CEP112: variants seen among roughly 807,000 people sequenced by gnomAD.
CEP112 encodes centrosomal protein 112.
A neutral mutation model predicts 153.0 loss-of-function variants in CEP112; 127 were observed. The observed-to-expected ratio is 0.83, with a 90% CI of 0.72 to 0.96. The LOEUF (loss-of-function observed/expected upper bound fraction) is 0.96. Among genes scored for constraint, CEP112 ranks in the 40% least tolerant of loss-of-function variants. The probability of loss-of-function intolerance (pLI) is 0.00; values close to 1 mark genes in which losing one functional copy is unlikely to be tolerated. For missense variants in CEP112, 1,089 were observed against 1,101.2 expected (o/e 0.99, Z 0.16); for synonymous variants, 358 against 374.4 (o/e 0.96, Z 0.51).
chr17:66,167,881 G>A (rs1179945616), intron 4 of CEP112, among the ~76,000 whole-genome samples: 3 of 152,286 alleles, frequency 2.0e-5, no homozygotes, highest in African/African-American at 7.2e-5. Context: ...TTCTAGAACA[G>A]TACCTAGCAT....
intron 24 of CEP112, among the ~76,000 whole-genome samples, chr17:65,643,806 T>C (rs1197282328): frequency 6.6e-6 from 1 of 152,236 alleles, no homozygotes; most frequent in Non-Finnish European, 1.5e-5. Flanking sequence ...CTTCTCCAGA[T>C]TGTCATTGAC....
rs187858575 is a variant in CEP112 at position 65,932,826 on chromosome 17, G to A, written c.1873-5137C>T. Among the ~76,000 whole-genome samples, 261 of 151,922 alleles carry A rather than the reference G, an allele frequency of 1.7e-3. 1 individual carries two copies. The highest frequency in any genetic ancestry group is 5.9e-3 in the African/African-American group (246 of 41,406). ...CGCCCCCATGATTCAATCACCTCCCGCCAGGCCCAGACTCCAAAACTGGGA... is the reference window on the plus strand; with the variant it reads ...CGCCCCCATGATTCAATCACCTCCCACCAGGCCCAGACTCCAAAACTGGGA... On this transcript the variant is annotated intron_variant, in intron 18 of 26. Coordinates refer to ENST00000535342, the MANE Select transcript of CEP112 (RefSeq NM_001199165.4).
intron 18 of CEP112, among the ~76,000 whole-genome samples, chr17:65,939,782 A>T (rs2061453487): frequency 6.6e-6 from 1 of 152,220 alleles, no homozygotes; most frequent in African/African-American, 2.4e-5. Flanking sequence ...TGAAGCTCTA[A>T]AACTAGTAGA....
chr17:65,947,693 T>G (rs2061691936), intron 18 of CEP112, among the ~76,000 whole-genome samples: 1 of 152,168 alleles, frequency 6.6e-6, no homozygotes, highest in Admixed American at 6.5e-5. Flanking sequence ...TACATATTCT[T>G]TGGAAGCTGT....
intron 4 of CEP112, among the ~76,000 whole-genome samples, chr17:66,133,460 T>C (rs979263576): frequency 1.3e-5 from 2 of 152,214 alleles, no homozygotes; most frequent in Non-Finnish European, 2.9e-5. Flanking sequence ...AAATCTTCTA[T>C]TTAAAAACAC....
rs554332362 is a variant in CEP112 at position 65,783,741 on chromosome 17, T to C, written c.2395-33017A>G. Reference sequence around the variant, plus strand: ...AAACATGTCTTATTTCCCCGTTCAGTTGACAAAAATAAGGTGTCCAGTTGG... The same window carrying C: ...AAACATGTCTTATTTCCCCGTTCAGCTGACAAAAATAAGGTGTCCAGTTGG... On this transcript the variant is annotated intron_variant, in intron 21 of 26. Coordinates refer to ENST00000535342, the MANE Select transcript of CEP112 (RefSeq NM_001199165.4). 2.6e-5 allele frequency among the ~76,000 whole-genome samples: 4 copies of C among 152,350 alleles called. No homozygotes were observed. The South Asian group carries it at 8.3e-4, about 32-fold the overall frequency.
At chr17:66,127,719 C>A (rs185394978) in intron 6 of CEP112, among the ~76,000 whole-genome samples, 1 of 152,130 alleles carries the variant, frequency 6.6e-6, no homozygotes, top group Non-Finnish European at 1.5e-5. Flanking sequence ...CCAACATATA[C>A]CTCCAGCTCT....
At position 66,141,642 on chromosome 17, in the gene CEP112, T is replaced by C. The variant is rs146013991; in HGVS notation, c.471-8879A>G. ...GGGTTTGACTACTATATAGTATTTA[T>C]CCTATTGTGATTGGCTATTTAACTC... On this transcript the variant is annotated intron_variant, in intron 4 of 26. Transcript: ENST00000535342. 4.6e-3 allele frequency among the ~76,000 whole-genome samples: 707 copies of C among 152,296 alleles called. 6 individuals carry two copies. The highest frequency in any genetic ancestry group is 0.016 in the African/African-American group (665 of 41,580).
chr17:65,947,261 T>G (rs550867340), intron 18 of CEP112, among the ~76,000 whole-genome samples: 3 of 152,222 alleles, frequency 2.0e-5, no homozygotes, highest in Non-Finnish European at 2.9e-5. Flanking sequence ...TCATACACCT[T>G]TATGCATTGG....
intron 12 of CEP112, among the ~76,000 whole-genome samples, chr17:66,034,884 C>A (rs944642956): frequency 6.7e-6 from 1 of 149,710 alleles, no homozygotes; most frequent in Non-Finnish European, 1.5e-5. Context: ...CTCGACTCAC[C>A]GCAACCCCTG....
chr17:65,889,717 A>ATAC (rs1274897285), intron 20 of CEP112, among the ~76,000 whole-genome samples: 40 of 152,018 alleles, frequency 2.6e-4, no homozygotes, highest in Admixed American at 2.6e-3. Context: ...AGTCAGTCCT[A>ATAC]TACTTCTGCT....
intron 21 of CEP112, among the ~76,000 whole-genome samples, chr17:65,792,584 T>TAA (rs11409296): frequency 0.017 from 2,605 of 149,440 alleles, 79 homozygotes; most frequent in African/African-American, 0.059. Context: ...AAAAACTCTT[T>TAA]AAAAAAAAAA....
intron 12 of CEP112, among the ~76,000 whole-genome samples, chr17:66,032,740 A>G (rs761578602): frequency 8.5e-5 from 13 of 152,208 alleles, no homozygotes. Flanking sequence ...AATCAGAGGA[A>G]AAATAGAAAT....
intron 21 of CEP112, among the ~76,000 whole-genome samples, chr17:65,795,683 G>A (rs1302723652): frequency 1.3e-5 from 2 of 151,886 alleles, no homozygotes; most frequent in South Asian, 2.1e-4. Context: ...ATGGTGGTGC[G>A]CACCTGTAAT....
intron 4 of CEP112, among the ~76,000 whole-genome samples, chr17:66,162,501 C>T (rs1351816429): frequency 1.3e-5 from 2 of 152,142 alleles, no homozygotes; most frequent in Admixed American, 6.5e-5. Context: ...AGAGTATTCA[C>T]AGTAGAATCA....
intron 4 of CEP112, among the ~76,000 whole-genome samples, chr17:66,133,846 T>C (rs925131959): frequency 2.6e-5 from 4 of 152,186 alleles, no homozygotes; most frequent in African/African-American, 9.6e-5. Flanking sequence ...CAAATGTATT[T>C]TGTAATTAAA....
At chr17:65,938,143 T>C (rs1462208121) in intron 18 of CEP112, among the ~76,000 whole-genome samples, 1 of 127,616 alleles carries the variant, frequency 7.8e-6, no homozygotes, top group Non-Finnish European at 1.7e-5. Flanking sequence ...CTCTGAAACA[T>C]GTGCTGTGTC....
chr17:66,129,899 A>G lies in CEP112; in HGVS notation c.565-76T>C, dbSNP rs540570767. 3 of 924,296 alleles carry G rather than the reference A, an allele frequency of 3.2e-6. No individual in the cohort carries two copies. In the South Asian group the frequency reaches 4.6e-5, roughly 14 times the overall value. The allele number at this position is 924,296 out of a possible 1,614,324, so 57.3% of individuals were successfully genotyped here. On this transcript the variant is annotated intron_variant, in intron 5 of 26. Coordinates refer to ENST00000535342, the MANE Select transcript of CEP112 (RefSeq NM_001199165.4). ...AATAAAAGGAAAAGATGGAAGAGAT[A>G]AAAGAGGAAAAGATAGAAGAGATAA...
rs533862547 is a variant in CEP112 at position 65,873,955 on chromosome 17, A to G, written c.2164-21921T>C. On this transcript the variant is annotated intron_variant, in intron 20 of 26. Transcript: ENST00000535342. ...GATTACAATTGAGTGTATATAATAA[A>G]GTAGATGCTGTTGATTAAAATGCTC... Among the ~76,000 whole-genome samples, 3 of 152,334 alleles carry G rather than the reference A, an allele frequency of 2.0e-5. No homozygotes were observed. In the East Asian group the frequency reaches 5.8e-4, roughly 29 times the overall value.
Sources: allele counts gnomAD v4.1 joint callset (sites outside exome capture counted in the v4.1 genomes callset), GRCh38; gene constraint gnomAD v4.1.1; transcripts MANE v1.5; gene names NCBI Gene and HGNC (gene_info 2026-07-23, HGNC 2026-07-21).